Variants in TBC1D21 observed in about 807,000 individuals in gnomAD.
TBC1D21 encodes the protein TBC1 domain family member 21, also known as male germ cell Rab GTPase-activating protein.
Under a neutral mutation model 46.0 loss-of-function variants are expected in TBC1D21, and 38 were observed. That is an observed-to-expected ratio of 0.83 (90% CI 0.64 to 1.08). The LOEUF (loss-of-function observed/expected upper bound fraction) is 1.08, where lower values mean the gene tolerates loss of function less well. Among genes scored for constraint, TBC1D21 ranks in the 50% least tolerant of loss-of-function variants. The pLI is 0.00. For synonymous variants in TBC1D21, 151 were observed against 157.2 expected (o/e 0.96, Z 0.29); for missense variants, 415 against 417.9 (o/e 0.99, Z 0.06).
chr15:73,883,198 T>TCGGG (rs1484518136), intron 3 of TBC1D21, among the ~76,000 whole-genome samples: 2 of 152,152 alleles, frequency 1.3e-5, no homozygotes, highest in African/African-American at 2.4e-5. Flanking sequence ...GATTCACGTG[T>TCGGG]CGGGGCCAGC....
intron 3 of TBC1D21, 130 bp from the exon 4 acceptor site, chr15:73,884,021 C>A: frequency 2.6e-6 from 2 of 754,868 alleles, no homozygotes; most frequent in Non-Finnish European, 4.8e-6. Context: ...GACAGCATCA[C>A]AGGTAGGGTG....
At chr15:73,902,067 G>A in the TBC1D21 span, among the ~76,000 whole-genome samples, 1 of 152,104 alleles carries the variant, frequency 6.6e-6, no homozygotes, top group Non-Finnish European at 1.5e-5. Flanking sequence ...TCCTGCCTTG[G>A]CCTCCCAAAG....
intron 3 of TBC1D21, among the ~76,000 whole-genome samples, chr15:73,883,370 G>A (rs2068187863): frequency 6.6e-6 from 1 of 152,242 alleles, no homozygotes; most frequent in African/African-American, 2.4e-5. Context: ...TCTTCTCGCA[G>A]TTCTGGAGCC....
At chr15:73,883,129 G>C (rs1280266840) in intron 3 of TBC1D21, among the ~76,000 whole-genome samples, 1 of 152,196 alleles carries the variant, frequency 6.6e-6, no homozygotes, top group Non-Finnish European at 1.5e-5. Context: ...ACCTGTCTGG[G>C]AGCCTGAAGC....
intron 1 of TBC1D21, among the ~76,000 whole-genome samples, chr15:73,878,744 T>G (rs2068104738): frequency 6.6e-6 from 1 of 152,234 alleles, no homozygotes; most frequent in Admixed American, 6.5e-5. Flanking sequence ...CTGCCTTTAT[T>G]ATAGAAATGG....
the TBC1D21 span, among the ~76,000 whole-genome samples, chr15:73,902,438 G>A: frequency 6.6e-6 from 1 of 152,308 alleles, no homozygotes; most frequent in African/African-American, 2.4e-5. Flanking sequence ...AAGCAAGCTG[G>A]AAGCCTTTGA....
chr15:73,904,199 A>G, the TBC1D21 span, among the ~76,000 whole-genome samples: 1 of 152,168 alleles, frequency 6.6e-6, no homozygotes, highest in South Asian at 2.1e-4. Context: ...GAGCACTTCT[A>G]TGAGTCAGCC....
chr15:73,899,375 G>A, the TBC1D21 span, among the ~76,000 whole-genome samples: 2 of 152,182 alleles, frequency 1.3e-5, no homozygotes, highest in Non-Finnish European at 2.9e-5. Context: ...GGTTCAGGAG[G>A]CGCCCTCCTC....
chr15:73,889,125 T>C lies in TBC1D21; in HGVS notation c.*24T>C, dbSNP rs913182610. 1 of 1,610,608 alleles carries C rather than the reference T, an allele frequency of 6.2e-7. No homozygotes were observed. Among genetic ancestry groups the C allele is most frequent in the Non-Finnish European group, 8.5e-7 (1 of 1,178,302 alleles). ...GAGGACACCAAAGCCCGCAGTGGAC[T>C]GATGCCTTCGATGGGCAGGATGAAG... On this transcript the variant is annotated 3_prime_UTR_variant, in exon 11 of 11. Coordinates refer to ENST00000300504, the MANE Select transcript of TBC1D21 (RefSeq NM_153356.3).
chr15:73,881,544 T>C, intron 2 of TBC1D21, 38 bp downstream of exon 2: 2 of 1,606,782 alleles, frequency 1.2e-6, no homozygotes, highest in Non-Finnish European at 1.7e-6. Context: ...GCCCTGGAAC[T>C]GGGAGCATGG....
At position 73,887,726 on chromosome 15, in the gene TBC1D21, A is replaced by G. The variant is rs1458892548; in HGVS notation, c.884A>G (p.Asp295Gly). 6.2e-7 allele frequency: 1 copy of G among 1,613,488 alleles called. No homozygotes were observed. The highest frequency in any genetic ancestry group is 8.5e-7 in the Non-Finnish European group (1 of 1,179,738). ...QVLQESMGGD[D>G]ILLACNNLID... Reference sequence around the variant, plus strand: ...CTGCAGGAAAGCATGGGCGGGGATGACATCCTCCTGGTGAGAGCACCCTCG... The same window carrying G: ...CTGCAGGAAAGCATGGGCGGGGATGGCATCCTCCTGGTGAGAGCACCCTCG... The change falls in exon 9 of 11, where the codon GAC becomes GGC. Residue 295 changes from aspartate (D) to glycine (G), a missense_variant. Coordinates refer to ENST00000300504, the MANE Select transcript of TBC1D21 (RefSeq NM_153356.3).
At chr15:73,881,266 A>G in intron 1 of TBC1D21, 133 bp from the exon 2 acceptor site, 1 of 639,428 alleles carries the variant, frequency 1.6e-6, no homozygotes, top group South Asian at 2.0e-5. Flanking sequence ...TAATGTCCTC[A>G]AGATAGATTT....
chr15:73,875,937 G>A (rs2068051384), intron 1 of TBC1D21, among the ~76,000 whole-genome samples: 1 of 152,192 alleles, frequency 6.6e-6, no homozygotes, highest in Non-Finnish European at 1.5e-5. Context: ...TCACATTAAA[G>A]GAGCCCAGAT....
the TBC1D21 span, among the ~76,000 whole-genome samples, chr15:73,899,101 G>C: frequency 7.2e-4 from 109 of 152,076 alleles, no homozygotes; most frequent in Non-Finnish European, 1.2e-3. Flanking sequence ...TCCCATATTA[G>C]ACTTCACTAG....
intron 2 of TBC1D21, 39 bp from the exon 3 acceptor site, chr15:73,881,605 G>T (rs766478246): frequency 1.9e-6 from 3 of 1,604,332 alleles, no homozygotes; most frequent in East Asian, 2.2e-5. Flanking sequence ...GGTAGGCATC[G>T]ATAGAGCCCA....
At chr15:73,909,472 G>A in the TBC1D21 span, among the ~76,000 whole-genome samples, 2 of 152,132 alleles carry the variant, frequency 1.3e-5, no homozygotes, top group African/African-American at 2.4e-5. Context: ...CCCTTGCCAC[G>A]GGCTTCACGA....
the TBC1D21 span, among the ~76,000 whole-genome samples, chr15:73,897,680 G>A: frequency 1.3e-5 from 2 of 152,210 alleles, no homozygotes; most frequent in African/African-American, 2.4e-5. Context: ...GGCAATCCCT[G>A]TGCTCTGGGG....
intron 1 of TBC1D21, among the ~76,000 whole-genome samples, chr15:73,880,256 A>C (rs1044993339): frequency 2.0e-5 from 3 of 151,700 alleles, no homozygotes; most frequent in Non-Finnish European, 2.9e-5. Context: ...CCTCTCTCCA[A>C]CACATACACA....
At chr15:73,880,679 G>A (rs368375745) in intron 1 of TBC1D21, among the ~76,000 whole-genome samples, 2 of 152,186 alleles carry the variant, frequency 1.3e-5, no homozygotes, top group Admixed American at 1.3e-4. Flanking sequence ...GCTGAAGCAG[G>A]AGAATCGCTT....
Sources: gnomAD v4.1 joint callset for allele counts (sites outside exome capture counted in the v4.1 genomes callset) on GRCh38, gnomAD v4.1.1 for gene constraint, MANE v1.5 for transcripts, NCBI Gene and HGNC (gene_info 2026-07-23, HGNC 2026-07-21) for gene names.